NDST3: variants seen among roughly 807,000 people sequenced by gnomAD.
The protein encoded by NDST3 is N-deacetylase and N-sulfotransferase 3.
NDST3 carries 58 observed loss-of-function variants against 96.1 expected under a neutral mutation model. The observed-to-expected ratio is 0.60, with a 90% CI of 0.49 to 0.75. The LOEUF is 0.75. NDST3 is among the 30% of genes least tolerant of loss of function. NDST3 has a pLI of 0.00. For missense variants in NDST3, 788 were observed against 1,034.2 expected (o/e 0.76, Z 3.27); for synonymous variants, 333 against 359.7 (o/e 0.93, Z 0.84).
At chr4:118,223,891 C>A (rs1242545143) in intron 6 of NDST3, among the ~76,000 whole-genome samples, 2 of 152,120 alleles carry the variant, frequency 1.3e-5, no homozygotes, top group East Asian at 3.8e-4. Flanking sequence ...TTTGTCAACA[C>A]TAACCAGCAA....
chr4:118,049,816 C>T (rs1208757757), intron 1 of NDST3, among the ~76,000 whole-genome samples: 6 of 151,660 alleles, frequency 4.0e-5, no homozygotes. Flanking sequence ...CTAAAATGAA[C>T]TGGTACCAAT....
intron 9 of NDST3, 80 bp downstream of exon 9, chr4:118,233,215 C>T: frequency 8.2e-7 from 1 of 1,213,968 alleles, no homozygotes; most frequent in Non-Finnish European, 1.1e-6. Context: ...TTAGAAACAT[C>T]TAAGTTTGTA....
intron 4 of NDST3, among the ~76,000 whole-genome samples, chr4:118,123,117 T>C (rs1277913211): frequency 6.6e-6 from 1 of 152,208 alleles, no homozygotes; most frequent in Non-Finnish European, 1.5e-5. Context: ...ACAATGTTTT[T>C]CTCCTAAAGA....
rs958398780 is a variant in NDST3 at position 118,155,681 on chromosome 4, A to G, written c.1539+11997A>G. Among the ~76,000 whole-genome samples the G allele has an allele frequency of 1.2e-4, 19 of 152,302 alleles. No individual in the cohort carries two copies. The South Asian group carries it at 3.1e-3, about 25-fold the overall frequency. On this transcript the variant is annotated intron_variant, in intron 6 of 13. Transcript: ENST00000296499. ...AATTAACTCTTGTTTAGATTATTTA[A>G]CCAATGGTAAAATTGGTTTTGTTAT...
chr4:118,065,735 C>T (rs911562555), intron 2 of NDST3, among the ~76,000 whole-genome samples: 6 of 151,722 alleles, frequency 4.0e-5, no homozygotes, highest in Non-Finnish European at 8.8e-5. Flanking sequence ...GCCTTTCCCC[C>T]TTTGGAATTT....
chr4:118,170,200 T>C (rs1038940029), intron 6 of NDST3, among the ~76,000 whole-genome samples: 4 of 152,142 alleles, frequency 2.6e-5, no homozygotes, highest in Non-Finnish European at 5.9e-5. Context: ...TTTTGGAAAA[T>C]AGAATTTACC....
At position 118,126,514 on chromosome 4, in the gene NDST3, GTA is replaced by G. The variant is rs776694923; in HGVS notation, c.1225-11521_1225-11520del. 4.9e-4 allele frequency among the ~76,000 whole-genome samples: 24 copies of G among 49,220 alleles called. 1 individual carries two copies. Among genetic ancestry groups the G allele is most frequent in the African/African-American group, 8.4e-4 (20 of 23,792 alleles). The allele number at this position is 49,220 out of a possible 152,430, so 32.3% of individuals were successfully genotyped here. ...ACTATTATACTGTGTGTATGTATGT[GTA>G]TATATATATATATATATACACATAT... On this transcript the variant is annotated intron_variant, in intron 4 of 13. Coordinates refer to ENST00000296499, the MANE Select transcript of NDST3 (RefSeq NM_004784.3).
intron 4 of NDST3, among the ~76,000 whole-genome samples, chr4:118,132,566 C>A (rs996793500): frequency 1.3e-5 from 2 of 152,124 alleles, no homozygotes; most frequent in Non-Finnish European, 2.9e-5. Flanking sequence ...CCCACTGTGG[C>A]CAAGCTGGTA....
At position 118,242,166 on chromosome 4, in the gene NDST3, A is replaced by G; in HGVS notation, c.2399+17A>G. 2 of 1,486,402 alleles carry G rather than the reference A, an allele frequency of 1.3e-6. No homozygotes were observed. Among genetic ancestry groups the G allele is most frequent in the Non-Finnish European group, 1.9e-6 (2 of 1,074,718 alleles). The allele number at this position is 1,486,402 out of a possible 1,614,324, so 92.1% of individuals were successfully genotyped here. ...AGCTTTAACGTAAGTTTATATTCTA[A>G]TTAGTTTATTGACATTTCAGCAGAG... On this transcript the variant is annotated intron_variant, in intron 12 of 13. Transcript: ENST00000296499.
intron 4 of NDST3, among the ~76,000 whole-genome samples, chr4:118,117,177 T>C (rs140080488): frequency 3.3e-5 from 5 of 152,276 alleles, no homozygotes; most frequent in African/African-American, 1.2e-4. Context: ...ATTTATTTTG[T>C]TGCAAGAGGA....
chr4:118,087,936 T>A (rs1379850723), intron 2 of NDST3, among the ~76,000 whole-genome samples: 1 of 152,088 alleles, frequency 6.6e-6, no homozygotes, highest in African/African-American at 2.4e-5. Flanking sequence ...TTGGAGACTA[T>A]CTCTCATAAC....
At chr4:118,199,935 T>C (rs1324025994) in intron 6 of NDST3, among the ~76,000 whole-genome samples, 2 of 152,112 alleles carry the variant, frequency 1.3e-5, no homozygotes, top group African/African-American at 4.8e-5. Flanking sequence ...GAGCTAGAGG[T>C]GGAATGACAC....
chr4:118,177,456 G>C (rs1453567379), intron 6 of NDST3, among the ~76,000 whole-genome samples: 1 of 151,902 alleles, frequency 6.6e-6, no homozygotes, highest in African/African-American at 2.4e-5. Flanking sequence ...GCTTTTATCA[G>C]TTTTCATTTG....
chr4:118,073,500 T>A (rs1003743040), intron 2 of NDST3, among the ~76,000 whole-genome samples: 1 of 152,122 alleles, frequency 6.6e-6, no homozygotes, highest in South Asian at 2.1e-4. Flanking sequence ...GTATTCTAGT[T>A]TTTGTGGATA....
chr4:118,206,358 G>A (rs1433116066), intron 6 of NDST3, among the ~76,000 whole-genome samples: 2 of 144,946 alleles, frequency 1.4e-5, no homozygotes, highest in East Asian at 3.9e-4. Context: ...GGACCTTTAG[G>A]TGGGTAATAT....
At chr4:118,239,888 A>ATTATGAAACACTT (rs564679462) in intron 10 of NDST3, among the ~76,000 whole-genome samples, 5,934 of 152,236 alleles carry the variant, frequency 0.039, 177 homozygotes, top group African/African-American at 0.085. Context: ...AGCCTGAGCA[A>ATTATGAAACACTT]TCCTGTTGGA....
intron 6 of NDST3, among the ~76,000 whole-genome samples, chr4:118,183,992 A>G (rs1356280324): frequency 6.6e-6 from 1 of 152,212 alleles, no homozygotes; most frequent in Non-Finnish European, 1.5e-5. Flanking sequence ...TCACGGTGCT[A>G]GAAGGGTGGC....
intron 3 of NDST3, among the ~76,000 whole-genome samples, chr4:118,111,597 C>T (rs1038713511): frequency 8.0e-5 from 12 of 149,674 alleles, no homozygotes; most frequent in East Asian, 2.0e-4. Context: ...AGTGTAGCGA[C>T]GCCATCTTAG....
At chr4:118,181,219 C>T (rs28589481) in intron 6 of NDST3, among the ~76,000 whole-genome samples, 1 of 151,974 alleles carries the variant, frequency 6.6e-6, no homozygotes, top group Non-Finnish European at 1.5e-5. Context: ...CAGGTAGCCA[C>T]GAGAACTCTA....
Sources: gnomAD v4.1 joint callset for allele counts (sites outside exome capture counted in the v4.1 genomes callset) on GRCh38, gnomAD v4.1.1 for gene constraint, MANE v1.5 for transcripts, NCBI Gene and HGNC (gene_info 2026-07-23, HGNC 2026-07-21) for gene names.